SH3BGR: variants seen among roughly 807,000 people sequenced by gnomAD.
SH3BGR encodes the protein SH3 domain-binding glutamic acid-rich protein.
Under a neutral mutation model 24.5 loss-of-function variants are expected in SH3BGR, and 29 were observed. That is an observed-to-expected ratio of 1.18 (90% CI 0.88 to 1.61). The LOEUF is 1.61. Ranked by LOEUF, SH3BGR falls within the 40% of genes most tolerant of loss-of-function variation. The pLI is 0.00. For missense variants in SH3BGR, 162 were observed against 205.8 expected (o/e 0.79, Z 1.30); for synonymous variants, 55 against 65.7 (o/e 0.84, Z 0.79).
chr21:39,500,424 G>A (rs2078474430), intron 4 of SH3BGR, among the ~76,000 whole-genome samples: 1 of 152,148 alleles, frequency 6.6e-6, no homozygotes, highest in African/African-American at 2.4e-5. Flanking sequence ...AGATCTTGGT[G>A]AAGTCACATG....
At chr21:39,456,629 C>T (rs951600045) in intron 1 of SH3BGR, among the ~76,000 whole-genome samples, 6 of 152,186 alleles carry the variant, frequency 3.9e-5, no homozygotes, top group Middle Eastern at 3.4e-3. Flanking sequence ...AGATCTAGTG[C>T]CAGGCATCCA....
intron 4 of SH3BGR, among the ~76,000 whole-genome samples, chr21:39,507,067 T>C (rs552627296): frequency 4.6e-5 from 7 of 152,198 alleles, no homozygotes; most frequent in African/African-American, 1.7e-4. Context: ...TTGCAACAAG[T>C]GCCAGACTCT....
At chr21:39,447,827 A>G (rs533484977), upstream of SH3BGR, among the ~76,000 whole-genome samples, 60 of 152,318 alleles carry the variant, frequency 3.9e-4, no homozygotes, top group Non-Finnish European at 7.4e-4. Context: ...CATAAAAAGC[A>G]TAGCCTTTAT....
chr21:39,510,336 G>A (rs1033685830), intron 5 of SH3BGR, among the ~76,000 whole-genome samples: 7 of 149,656 alleles, frequency 4.7e-5, no homozygotes, highest in Middle Eastern at 3.2e-3. Flanking sequence ...TTTAACCCTC[G>A]TTACCCAGAG....
chr21:39,501,027 G>A (rs991733874), intron 4 of SH3BGR, among the ~76,000 whole-genome samples: 8 of 152,118 alleles, frequency 5.3e-5, no homozygotes, highest in East Asian at 1.9e-4. Flanking sequence ...GAAGTTAGAC[G>A]GTGTTTCATG....
At chr21:39,504,970 A>G (rs2078558523) in intron 4 of SH3BGR, among the ~76,000 whole-genome samples, 1 of 152,082 alleles carries the variant, frequency 6.6e-6, no homozygotes, top group African/African-American at 2.4e-5. Flanking sequence ...AGGCCACCAC[A>G]CCCAGCTAAT....
intron 3 of SH3BGR, among the ~76,000 whole-genome samples, chr21:39,480,274 C>T (rs1206379473): frequency 6.6e-6 from 1 of 152,174 alleles, no homozygotes; most frequent in Non-Finnish European, 1.5e-5. Context: ...TGTGCAACCA[C>T]CACCACTGTC....
rs75281492 is a variant in SH3BGR at position 39,512,895 on chromosome 21, A to C, written c.*34+1086A>C. ...TGATATTTGGCAAATACCTAGGTAC[A>C]TGTTGTATTATTATTAATATGATTG... On this transcript the variant is annotated intron_variant, in intron 6 of 6. Transcript: ENST00000333634. 3.6e-3 allele frequency among the ~76,000 whole-genome samples: 553 copies of C among 152,334 alleles called. 3 individuals are homozygous for C. Among genetic ancestry groups the C allele is most frequent in the Admixed American group, 9.2e-3 (141 of 15,300 alleles).
At chr21:39,502,891 T>C (rs1772959063) in intron 4 of SH3BGR, among the ~76,000 whole-genome samples, 1 of 152,160 alleles carries the variant, frequency 6.6e-6, no homozygotes. Flanking sequence ...CCTGGCTCTG[T>C]TTCTGTGTAT....
chr21:39,490,492 A>AT, intron 3 of SH3BGR, among the ~76,000 whole-genome samples: 1 of 152,218 alleles, frequency 6.6e-6, no homozygotes, highest in East Asian at 1.9e-4. Flanking sequence ...TTCTTCTTGT[A>AT]TTTTAAAAAT....
rs1340963103 is a variant in SH3BGR at position 39,510,908 on chromosome 21, A to AATATATAT, written c.436-772_436-771insATATATAT. 7.9e-4 allele frequency among the ~76,000 whole-genome samples: 16 copies of AATATATAT among 20,266 alleles called. No individual in the cohort carries two copies. The East Asian group carries it at 0.02, about 25-fold the overall frequency. 13.3% of individuals were successfully genotyped at this position (20,266 alleles called of 152,430 possible). On this transcript the variant is annotated intron_variant, in intron 5 of 6. Transcript: ENST00000333634. ...ATTCTTTTTGTATTTGATTCTTCTA[A>AATATATAT]CTATATATATATATATATATATATA...
At chr21:39,455,070 A>G (rs1358849464) in intron 1 of SH3BGR, among the ~76,000 whole-genome samples, 1 of 152,234 alleles carries the variant, frequency 6.6e-6, no homozygotes, top group East Asian at 1.9e-4. Flanking sequence ...AGTGTGCTTT[A>G]TACTACAGTA....
chr21:39,461,294 C>T (rs1018951860), intron 1 of SH3BGR, among the ~76,000 whole-genome samples: 4 of 151,990 alleles, frequency 2.6e-5, no homozygotes, highest in East Asian at 1.9e-4. Flanking sequence ...TGCGCCACCA[C>T]GCCTGGCTAA....
chr21:39,452,742 G>A (rs939407896), intron 1 of SH3BGR, among the ~76,000 whole-genome samples: 6 of 152,138 alleles, frequency 3.9e-5, no homozygotes, highest in African/African-American at 1.2e-4. Flanking sequence ...GCTGAAAGCC[G>A]ACCTTCATAA....
chr21:39,499,870 G>A lies in SH3BGR; in HGVS notation c.360G>A (p.Glu120=). The change falls in exon 4 of 7, where the codon GAG becomes GAA. Residue 120 remains glutamate (E), a synonymous_variant. Coordinates refer to ENST00000333634, the MANE Select transcript of SH3BGR (RefSeq NM_007341.3). ...EEGGETEAQK[E]GSEDVGNLPE... Reference sequence around the variant, plus strand: ...GTGGAGAAACTGAGGCACAAAAAGAGGGCAGTGAAGATGTGGGCAACCTCC... The same window carrying A: ...GTGGAGAAACTGAGGCACAAAAAGAAGGCAGTGAAGATGTGGGCAACCTCC... 1.2e-6 allele frequency: 2 copies of A among 1,613,934 alleles called. No individual in the cohort carries two copies.
chr21:39,462,084 A>G (rs2077764765), intron 1 of SH3BGR, among the ~76,000 whole-genome samples: 1 of 152,068 alleles, frequency 6.6e-6, no homozygotes, highest in Admixed American at 6.6e-5. Context: ...TCTGACCTCA[A>G]GCGATCCACC....
Position 39,515,227 on chromosome 21 carries a change from T to G in SH3BGR, c.*174T>G, listed in dbSNP as rs1320611976. 4.9e-6 allele frequency: 2 copies of G among 409,000 alleles called. No homozygotes were observed. The highest frequency in any genetic ancestry group is 6.2e-5 in the Admixed American group (2 of 32,446). 25.3% of individuals were successfully genotyped at this position (409,000 alleles called of 1,614,324 possible). On this transcript the variant is annotated 3_prime_UTR_variant, in exon 7 of 7. Transcript: ENST00000333634. ...CTGGTTAGATGTACATGGAGGTATC[T>G]CCCGAATCATACAAAATTAAATGTG...
intron 2 of SH3BGR, among the ~76,000 whole-genome samples, chr21:39,465,896 A>C (rs978467716): frequency 6.6e-6 from 1 of 152,174 alleles, no homozygotes; most frequent in African/African-American, 2.4e-5. Flanking sequence ...TGGCTGCCCC[A>C]TATTTTAATG....
chr21:39,513,368 G>A lies in SH3BGR; in HGVS notation c.*34+1559G>A, dbSNP rs144971946. ...CTCTTTAAAAATTGGCTGACAAATA[G>A]CAATGCTCTTTGCACCAAAGTCCAA... On this transcript the variant is annotated intron_variant, in intron 6 of 6. Transcript: ENST00000333634. 3.5e-4 allele frequency among the ~76,000 whole-genome samples: 54 copies of A among 152,244 alleles called. No homozygotes were observed. In the East Asian group the frequency reaches 9.3e-3, roughly 26 times the overall value.
Sources: gnomAD v4.1 joint callset for allele counts (sites outside exome capture counted in the v4.1 genomes callset) on GRCh38, gnomAD v4.1.1 for gene constraint, MANE v1.5 for transcripts, NCBI Gene and HGNC (gene_info 2026-07-23, HGNC 2026-07-21) for gene names.